SYT1: variants seen among roughly 807,000 people sequenced by gnomAD.
The protein encoded by SYT1 is synaptotagmin-1.
A neutral mutation model predicts 44.8 loss-of-function variants in SYT1; 8 were observed. That is an observed-to-expected ratio of 0.18 (90% CI 0.10 to 0.32). The LOEUF is 0.32. Among genes scored for constraint, SYT1 ranks in the 10% least tolerant of loss-of-function variants. SYT1 has a pLI of 1.00. For missense variants in SYT1, 286 were observed against 509.3 expected, an observed-to-expected ratio of 0.56 and a Z score of 4.22; for synonymous variants, 154 against 188.8, an observed-to-expected ratio of 0.82 and a Z score of 1.51.
At chr12:79,127,584 G>A (rs1294104344) in intron 3 of SYT1, among the ~76,000 whole-genome samples, 1 of 151,660 alleles carries the variant, frequency 6.6e-6, no homozygotes, top group East Asian at 1.9e-4. Flanking sequence ...ATATGAGTAA[G>A]CACTGAACAA....
chr12:79,002,354 C>T (rs1375769666), intron 2 of SYT1, among the ~76,000 whole-genome samples: 5 of 152,080 alleles, frequency 3.3e-5, no homozygotes, highest in Admixed American at 3.3e-4. Flanking sequence ...TTATGAACAA[C>T]TTACTTGCTC....
In SYT1 at chr12:79,080,141, C is replaced by T. The variant is rs1179081373; in HGVS notation, c.-18+32779C>T. 2.6e-5 allele frequency among the ~76,000 whole-genome samples: 4 copies of T among 152,162 alleles called. No homozygotes were observed. In the East Asian group the frequency reaches 5.8e-4, roughly 22 times the overall value. ...TGAGATTAAGCATTTGACTAATCCT[C>T]ATTTTATGTTTAATATTAACTTATT... is the stretch of plus-strand genomic sequence containing the variant. On this transcript the variant is annotated intron_variant, in intron 3 of 10. Coordinates refer to ENST00000261205, the MANE Select transcript of SYT1 (RefSeq NM_005639.3).
chr12:79,281,589 G>A (rs145711191), intron 4 of SYT1, among the ~76,000 whole-genome samples: 1 of 152,214 alleles, frequency 6.6e-6, no homozygotes, highest in East Asian at 1.9e-4. Flanking sequence ...ACACCATTCA[G>A]GTGATGGGTA....
In SYT1 at chr12:79,123,309, A is replaced by ATGTGTGTGTGTGTGTG. The variant is rs66869713; in HGVS notation, c.-18+75975_-18+75990dup. ...TGTTACATGTATCTCTAAAAATGCA[A>ATGTGTGTGTGTGTGTG]TGTGTGTGTGTGTGTGTGTGTGTGT... is the stretch of plus-strand genomic sequence containing the variant. On this transcript the variant is annotated intron_variant, in intron 3 of 10. Coordinates refer to ENST00000261205, the MANE Select transcript of SYT1 (RefSeq NM_005639.3). 4.3e-3 allele frequency among the ~76,000 whole-genome samples: 606 copies of ATGTGTGTGTGTGTGTG among 141,610 alleles called. 6 individuals carry two copies. The highest frequency in any genetic ancestry group is 0.011 in the African/African-American group (441 of 38,446). The allele number at this position is 141,610 out of a possible 152,430, so 92.9% of individuals were successfully genotyped here.
intron 3 of SYT1, among the ~76,000 whole-genome samples, chr12:79,054,251 C>T (rs1874760694): frequency 6.6e-6 from 1 of 151,944 alleles, no homozygotes; most frequent in African/African-American, 2.4e-5. Context: ...TTTCACCTTC[C>T]TATATGAATG....
intron 4 of SYT1, among the ~76,000 whole-genome samples, chr12:79,238,600 G>C (rs1477717122): frequency 2.0e-5 from 3 of 152,158 alleles, no homozygotes; most frequent in Admixed American, 2.0e-4. Flanking sequence ...CACTTAACAA[G>C]ATGCAGGGCA....
intron 1 of SYT1, among the ~76,000 whole-genome samples, chr12:78,899,282 C>T (rs1875529869): frequency 4.6e-5 from 7 of 151,304 alleles, no homozygotes; most frequent in Admixed American, 4.6e-4. Flanking sequence ...CAGTGCCTGA[C>T]AGTTAAGAGT....
intron 3 of SYT1, among the ~76,000 whole-genome samples, chr12:79,136,045 G>A (rs774737116): frequency 2.2e-4 from 33 of 152,198 alleles, no homozygotes; most frequent in Non-Finnish European, 4.3e-4. Context: ...CCTGAAAGGA[G>A]TTGGGTTGAG....
intron 3 of SYT1, among the ~76,000 whole-genome samples, chr12:79,084,718 C>T (rs1877264011): frequency 6.6e-6 from 1 of 152,072 alleles, no homozygotes; most frequent in Non-Finnish European, 1.5e-5. Flanking sequence ...TGTAATATAT[C>T]AATTATATAC....
rs558452233 is a variant in SYT1, at chr12:78,918,504, C to T, written c.-217+53395C>T. Among the ~76,000 whole-genome samples, 5 of 152,212 alleles carry T rather than the reference C, an allele frequency of 3.3e-5. No individual in the cohort carries two copies. The South Asian group carries it at 8.3e-4, about 25-fold the overall frequency. On this transcript the variant is annotated intron_variant, in intron 1 of 10. Transcript: ENST00000261205. ...GCCCTGTGGGTATATGAGCTGGTTA[C>T]ATTTTGGCCCCTTTTCAAACCAGGG...
intron 3 of SYT1, among the ~76,000 whole-genome samples, chr12:79,195,366 A>C (rs1026065786): frequency 6.6e-6 from 1 of 152,146 alleles, no homozygotes; most frequent in Admixed American, 6.6e-5. Context: ...GAAAATTCTA[A>C]CTATATTTAT....
At chr12:79,216,043 T>A (rs950412232) in intron 3 of SYT1, among the ~76,000 whole-genome samples, 1 of 147,586 alleles carries the variant, frequency 6.8e-6, no homozygotes, top group African/African-American at 2.5e-5. Flanking sequence ...GCTATTCTCC[T>A]GCCTCAGCCT....
intron 3 of SYT1, among the ~76,000 whole-genome samples, chr12:79,059,375 T>C (rs569311925): frequency 6.6e-6 from 1 of 152,220 alleles, no homozygotes; most frequent in East Asian, 1.9e-4. Context: ...GTAAAATACA[T>C]GATTATATAA....
chr12:78,889,635 G>A (rs569731800), intron 1 of SYT1, among the ~76,000 whole-genome samples: 30 of 151,314 alleles, frequency 2.0e-4, no homozygotes, highest in Non-Finnish European at 3.8e-4. Flanking sequence ...GGAACATAAC[G>A]AAGAGCCCAT....
chr12:78,868,976 C>T (rs1248738436), intron 1 of SYT1: 10 of 151,784 alleles, frequency 6.6e-5, no homozygotes, highest in African/African-American at 2.4e-4. Flanking sequence ...AAACTTCTGT[C>T]TTTCTAAGGC....
chr12:79,200,347 A>C (rs1413095452), intron 3 of SYT1, among the ~76,000 whole-genome samples: 1 of 152,016 alleles, frequency 6.6e-6, no homozygotes, highest in African/African-American at 2.4e-5. Context: ...CTTGGAGGGT[A>C]ATTACAGTGG....
intron 7 of SYT1, among the ~76,000 whole-genome samples, chr12:79,299,014 T>G (rs556138894): frequency 6.6e-6 from 1 of 152,234 alleles, no homozygotes; most frequent in African/African-American, 2.4e-5. Context: ...CAATACAACT[T>G]AAAACAACAA....
intron 1 of SYT1, among the ~76,000 whole-genome samples, chr12:78,901,144 A>G (rs1020880129): frequency 1.3e-5 from 2 of 152,130 alleles, no homozygotes; most frequent in African/African-American, 2.4e-5. Flanking sequence ...ATAGTAGTGA[A>G]CAATATCTTT....
intron 1 of SYT1, among the ~76,000 whole-genome samples, chr12:78,894,851 T>C (rs1371617261): frequency 7.3e-6 from 1 of 136,778 alleles, no homozygotes; most frequent in Non-Finnish European, 1.7e-5. Flanking sequence ...TTGTACATCA[T>C]GATGACTGTG....
Sources: allele counts gnomAD v4.1 joint callset (sites outside exome capture counted in the v4.1 genomes callset), GRCh38; gene constraint gnomAD v4.1.1; transcripts MANE v1.5; gene names NCBI Gene and HGNC (gene_info 2026-07-23, HGNC 2026-07-21).